The following GDF3 variants were observed in gnomAD, a reference collection of about 807,000 sequenced individuals.
GDF3 encodes the protein growth differentiation factor 3.
GDF3 carries 10 observed loss-of-function variants against 10.2 expected under a neutral mutation model. The observed-to-expected ratio is 0.98, with a 90% confidence interval of 0.60 to 1.66. The LOEUF is 1.66. GDF3 is among the 40% of genes most tolerant of loss of function. The pLI, the probability that GDF3 is intolerant of heterozygous loss-of-function variation, is 0.00. For synonymous variants in GDF3, 166 were observed against 178.5 expected, an observed-to-expected ratio of 0.93 and a Z score of 0.56; for missense variants, 450 against 438.3, an observed-to-expected ratio of 1.03 and a Z score of -0.24.
In GDF3 at chr12:7,690,119, G is replaced by C; in HGVS notation, c.854C>G (p.Pro285Arg). ...DLGWHKWIIA[P>R]KGFMANYCHG... The stretch of plus-strand genomic sequence containing the variant: ...GCAGTAATTTGCCATGAACCCCTTG[G>C]GGGCAATGATCCACTTGTGCCAACC... Residue 285 changes from proline (P) to arginine (R), a missense_variant, in exon 2 of 2, where the codon CCC becomes CGC. Transcript: ENST00000329913. The C allele has an allele frequency of 6.2e-7, 1 of 1,614,102 alleles. No individual in the cohort carries two copies. Among genetic ancestry groups the C allele is most frequent in the Non-Finnish European group, 8.5e-7 (1 of 1,180,010 alleles).
intron 1 of GDF3, among the ~76,000 whole-genome samples, chr12:7,691,046 A>G (rs748930268): frequency 1.3e-5 from 2 of 151,910 alleles, no homozygotes; most frequent in Admixed American, 6.6e-5. Flanking sequence ...GCTACTCAGG[A>G]GGCTGAGGCA....
intron 1 of GDF3, among the ~76,000 whole-genome samples, chr12:7,691,154 A>C (rs992159783): frequency 1.1e-4 from 16 of 151,836 alleles, no homozygotes; most frequent in South Asian, 4.2e-4. Flanking sequence ...CGTCTCAAAA[A>C]AAAAAAAAAA....
At position 7,695,537 on chromosome 12, in the gene GDF3, A is replaced by G; in HGVS notation, c.192T>C (p.Thr64=). Residue 64 remains threonine, a synonymous_variant, in exon 1 of 2, where the codon ACT becomes ACC. Transcript: ENST00000329913. ...IFQDREAAAT[T]GVSRDLCYVK... ...CGTAGCATAAGTCTCGGGAGACCCCAGTGGTCGCTGCTGCCTCGCGATCCT... is the reference window on the plus strand; with the variant it reads ...CGTAGCATAAGTCTCGGGAGACCCCGGTGGTCGCTGCTGCCTCGCGATCCT... 1 of 1,614,080 alleles carries G rather than the reference A, an allele frequency of 6.2e-7. No homozygotes were observed. The highest frequency in any genetic ancestry group is 8.5e-7 in the Non-Finnish European group (1 of 1,179,966).
rs763945162 is a variant in GDF3 at position 7,690,090 on chromosome 12, C to A, written c.883G>T (p.Gly295Ter). 134 of 1,613,974 alleles carry A rather than the reference C, an allele frequency of 8.3e-5. No individual in the cohort carries two copies. The highest frequency in any genetic ancestry group is 1.1e-4 in the Non-Finnish European group (130 of 1,180,006). Reference protein sequence around the residue: ...PKGFMANYCHGECPFSLTISL... With the variant: ...PKGFMANYCH ...ATGGTCAGTGAGAAGGGACACTCTC[C>A]ATGGCAGTAATTTGCCATGAACCCC... The change falls in exon 2 of 2, where the codon GGA becomes TGA. Residue 295 changes from glycine to a stop codon, truncating the protein, a stop_gained. Transcript: ENST00000329913. LOFTEE classifies it low-confidence loss of function (END_TRUNC).
chr12:7,695,645 G>T lies in GDF3; in HGVS notation c.84C>A (p.Val28=). 6.2e-7 allele frequency: 1 copy of T among 1,614,050 alleles called. No homozygotes were observed. The highest frequency in any genetic ancestry group is 2.2e-5 in the East Asian group (1 of 44,894). Residue 28 remains valine (V), a synonymous_variant, in exon 1 of 2, where the codon GTC becomes GTA. Transcript: ENST00000329913. The part of the protein sequence containing the change: ...LGQAVQFQEY[V]FLQFLGLDKA... ...TATCTAAGCCCAGAAATTGGAGAAA[G>T]ACATATTCTTGAAATTGGACTGCCT...
chr12:7,692,804 A>T (rs1864146692), intron 1 of GDF3, among the ~76,000 whole-genome samples: 1 of 151,412 alleles, frequency 6.6e-6, no homozygotes, highest in Admixed American at 6.6e-5. Flanking sequence ...ACACCCAGCC[A>T]ATTTTTTTTT....
intron 1 of GDF3, among the ~76,000 whole-genome samples, chr12:7,693,318 C>A (rs768899337): frequency 1.3e-5 from 2 of 151,756 alleles, no homozygotes; most frequent in Admixed American, 1.3e-4. Context: ...GATTTTCCTG[C>A]CTCAGCCTCC....
intron 1 of GDF3, among the ~76,000 whole-genome samples, chr12:7,691,153 A>G (rs1422145732): frequency 6.6e-6 from 1 of 151,476 alleles, no homozygotes; most frequent in Non-Finnish European, 1.5e-5. Context: ...CCGTCTCAAA[A>G]AAAAAAAAAA....
chr12:7,690,394 G>A lies in GDF3; in HGVS notation c.579C>T (p.Asn193=), dbSNP rs144017935. The A allele has an allele frequency of 1.5e-3, 2,347 of 1,614,086 alleles. 9 individuals are homozygous for A. The highest frequency in any genetic ancestry group is 9.0e-4 in the Non-Finnish European group (1,059 of 1,180,002). The change falls in exon 2 of 2, where the codon AAC becomes AAT. Residue 193 remains asparagine (N), a synonymous_variant. Coordinates refer to ENST00000329913, the MANE Select transcript of GDF3 (RefSeq NM_020634.3). ...GGAATAACCCGAAATTTTTCCGGGG[G>A]TTGTCATTCCAATCCTTAGCTACAT... ...LLDVAKDWND[N]PRKNFGLFLE...
chr12:7,694,031 G>A (rs1864158020), intron 1 of GDF3, among the ~76,000 whole-genome samples: 2 of 152,142 alleles, frequency 1.3e-5, no homozygotes. Context: ...AATTCTGAGG[G>A]AGTACTTCAG....
chr12:7,693,586 A>G (rs1048721338), intron 1 of GDF3, among the ~76,000 whole-genome samples: 1 of 151,282 alleles, frequency 6.6e-6, no homozygotes, highest in Non-Finnish European at 1.5e-5. Context: ...AGAAATTACA[A>G]CTCAAACCGA....
chr12:7,690,378 C>G lies in GDF3; in HGVS notation c.595G>C (p.Gly199Arg), dbSNP rs778768975. Residue 199 changes from glycine to arginine, a missense_variant, in exon 2 of 2, where the codon GGG (glycine) becomes CGG (arginine). Gly to Arg is a moderately radical substitution (Grantham distance 125). Coordinates refer to ENST00000329913, the MANE Select transcript of GDF3 (RefSeq NM_020634.3). ...TTGACCAGTATCTCCAGGAATAACC[C>G]GAAATTTTTCCGGGGGTTGTCATTC... is the stretch of plus-strand genomic sequence containing the variant. ...DWNDNPRKNF[G>R]LFLEILVKED... 2 of 1,614,030 alleles carry G rather than the reference C, an allele frequency of 1.2e-6. No homozygotes were observed. The highest frequency in any genetic ancestry group is 1.1e-5 in the South Asian group (1 of 91,068).
At chr12:7,692,805 A>T (rs777187867) in intron 1 of GDF3, among the ~76,000 whole-genome samples, 1 of 149,078 alleles carries the variant, frequency 6.7e-6, no homozygotes, top group African/African-American at 2.5e-5. Context: ...CACCCAGCCA[A>T]TTTTTTTTTT....
Position 7,690,222 on chromosome 12 carries a change from C to T in GDF3, c.751G>A (p.Ala251Thr), listed in dbSNP as rs764970795. 1.9e-6 allele frequency: 3 copies of T among 1,614,036 alleles called. No individual in the cohort carries two copies. The East Asian group carries it at 6.7e-5, about 36-fold the overall frequency. Reference sequence around the variant, plus strand: ...GAAAGCTTGGGGACAGGGATGGCTGCTCTCCTTTTCCGAGAAGGGTGGCAC... The same window carrying T: ...GAAAGCTTGGGGACAGGGATGGCTGTTCTCCTTTTCCGAGAAGGGTGGCAC... ...DQCHPSRKRR[A>T]AIPVPKLSCK... The change falls in exon 2 of 2, where the codon GCA becomes ACA. Residue 251 changes from alanine (A) to threonine (T), a missense_variant. Ala to Thr is a moderately conservative substitution (Grantham distance 58, BLOSUM62 0). Transcript: ENST00000329913.
In GDF3 at chr12:7,690,472, A is replaced by G. The variant is rs1355831357; in HGVS notation, c.501T>C (p.Phe167=). The G allele has an allele frequency of 6.2e-7, 1 of 1,614,102 alleles. No homozygotes were observed. The highest frequency in any genetic ancestry group is 1.7e-5 in the Admixed American group (1 of 60,002). ...GTGGCCATGGGACTGACCGCAACAC[A>G]AACATTTTACCTGGCTTAGGGGTGG... The part of the protein sequence containing the change: ...GQTTPKPGKM[F]VLRSVPWPQG... Residue 167 remains phenylalanine, a synonymous_variant, in exon 2 of 2, where the codon TTT becomes TTC. Transcript: ENST00000329913.
rs145849916 is a variant in GDF3 at position 7,690,464 on chromosome 12, C to G, written c.509G>C (p.Arg170Pro). The G allele has an allele frequency of 1.2e-6, 2 of 1,614,028 alleles. No individual in the cohort carries two copies. Among genetic ancestry groups the G allele is most frequent in the African/African-American group, 1.3e-5 (1 of 75,012 alleles). ...TPKPGKMFVLRSVPWPQGAVH... is the reference protein window; with the variant it reads ...TPKPGKMFVLPSVPWPQGAVH... ...AGCACCTTGTGGCCATGGGACTGACCGCAACACAAACATTTTACCTGGCTT... is the reference window on the plus strand; with the variant it reads ...AGCACCTTGTGGCCATGGGACTGACGGCAACACAAACATTTTACCTGGCTT... Residue 170 changes from arginine (R) to proline (P), a missense_variant, in exon 2 of 2, where the codon CGG becomes CCG. Arg to Pro is a moderately radical substitution (Grantham distance 103). Transcript: ENST00000329913.
At chr12:7,693,242 A>C (rs1042220357) in intron 1 of GDF3, among the ~76,000 whole-genome samples, 1 of 151,432 alleles carries the variant, frequency 6.6e-6, no homozygotes, top group Non-Finnish European at 1.5e-5. Context: ...TTGCTCTGTC[A>C]CCCAGGCTGG....
At chr12:7,694,678 A>G (rs961021778) in intron 1 of GDF3, among the ~76,000 whole-genome samples, 10 of 151,966 alleles carry the variant, frequency 6.6e-5, no homozygotes, top group African/African-American at 2.4e-4. Flanking sequence ...ACAAATAAAT[A>G]TTCAAATCTT....
chr12:7,693,616 C>G (rs1488655544), intron 1 of GDF3, among the ~76,000 whole-genome samples: 5 of 151,764 alleles, frequency 3.3e-5, no homozygotes, highest in Non-Finnish European at 5.9e-5. Context: ...AAGCACCCCA[C>G]CACCACACCT....
Sources: allele counts gnomAD v4.1 joint callset (sites outside exome capture counted in the v4.1 genomes callset), GRCh38; gene constraint gnomAD v4.1.1; transcripts MANE v1.5; gene names NCBI Gene and HGNC (gene_info 2026-07-23, HGNC 2026-07-21).